Variants in PAG1 observed in about 807,000 individuals in gnomAD.
PAG1 encodes the protein phosphoprotein associated with glycosphingolipid-enriched microdomains 1.
PAG1 carries 23 observed loss-of-function variants against 31.7 expected under a neutral mutation model. That is an observed-to-expected ratio of 0.73 (90% CI 0.52 to 1.03). PAG1 has a LOEUF of 1.03. Ranked by LOEUF, PAG1 falls within the 50% of genes least tolerant of loss-of-function variation. PAG1 has a pLI of 0.00. For synonymous variants in PAG1, 214 were observed against 210.3 expected (o/e 1.02, Z -0.15); for missense variants, 473 against 540.7 (o/e 0.87, Z 1.24).
chr8:81,053,705 G>A (rs1487125261), intron 2 of PAG1, among the ~76,000 whole-genome samples: 3 of 152,206 alleles, frequency 2.0e-5, no homozygotes, highest in African/African-American at 7.2e-5. Context: ...CATTAACTGG[G>A]ATAGGAAAGT....
intron 3 of PAG1, among the ~76,000 whole-genome samples, chr8:81,014,332 T>C (rs760308888): frequency 3.9e-5 from 6 of 152,228 alleles, no homozygotes; most frequent in Non-Finnish European, 5.9e-5. Flanking sequence ...TAGCACTATG[T>C]TAGGTACTTC....
Position 80,984,938 on chromosome 8 carries a change from T to C in PAG1, c.714A>G (p.Gln238=). The change falls in exon 7 of 9, where the codon CAA becomes CAG. Residue 238 remains glutamine, a synonymous_variant. Coordinates refer to ENST00000220597, the MANE Select transcript of PAG1 (RefSeq NM_018440.4). ...ASVDRNKKCR[Q]SVNVESILGN... ...CAAGGATACTCTCTACATTAACACT[T>C]TGACGACATTTTTTGTTTCTGTCCA... is the stretch of plus-strand genomic sequence containing the variant. 1 of 1,614,216 alleles carries C rather than the reference T, an allele frequency of 6.2e-7. No individual in the cohort carries two copies. Among genetic ancestry groups the C allele is most frequent in the South Asian group, 1.1e-5 (1 of 91,084 alleles).
At chr8:81,004,106 C>T (rs1484217322) in intron 3 of PAG1, among the ~76,000 whole-genome samples, 3 of 152,172 alleles carry the variant, frequency 2.0e-5, no homozygotes, top group Non-Finnish European at 4.4e-5. Context: ...TTTAGAGTAG[C>T]CTTTCAACAA....
chr8:81,019,727 G>A (rs1030316372), intron 3 of PAG1, among the ~76,000 whole-genome samples: 8 of 152,242 alleles, frequency 5.3e-5, no homozygotes, highest in Admixed American at 1.3e-4. Context: ...CTAGAGCAGT[G>A]TGGAAAGAAA....
rs1243912124 is a variant in PAG1, at chr8:80,971,222, A to C, written c.*5322T>G. 1 of 152,236 alleles carries C rather than the reference A, an allele frequency of 6.6e-6. No individual in the cohort carries two copies. Among genetic ancestry groups the C allele is most frequent in the Admixed American group, 6.5e-5 (1 of 15,284 alleles). The allele number at this position is 152,236 out of a possible 1,614,324, so 9.4% of individuals were successfully genotyped here. ...ATTATGAAGATCTTTTGAAACAATC[A>C]ATGAAAATGCTACTAAGTGTCATGA... On this transcript the variant is annotated 3_prime_UTR_variant, in exon 9 of 9. Transcript: ENST00000220597.
intron 1 of PAG1, among the ~76,000 whole-genome samples, chr8:81,101,422 TAGCAAAACAA>T (rs1809608224): frequency 6.6e-6 from 1 of 152,202 alleles, no homozygotes. Context: ...ATTTCTTATT[TAGCAAAACAA>T]AGGAGTGGAC....
intron 1 of PAG1, among the ~76,000 whole-genome samples, chr8:81,076,356 C>T (rs4524745): frequency 0.014 from 2,103 of 152,292 alleles, 49 homozygotes; most frequent in African/African-American, 0.047. Flanking sequence ...TCCTTTGCTT[C>T]CCAAGGATGA....
chr8:81,029,415 T>G (rs1163892993), intron 3 of PAG1, among the ~76,000 whole-genome samples: 1 of 151,834 alleles, frequency 6.6e-6, no homozygotes, highest in African/African-American at 2.4e-5. Flanking sequence ...GCATTAAAGA[T>G]ATGATTTCCA....
intron 3 of PAG1, among the ~76,000 whole-genome samples, chr8:81,019,599 CA>C: frequency 6.6e-6 from 1 of 152,178 alleles, no homozygotes; most frequent in East Asian, 1.9e-4. Flanking sequence ...TATGGGTGTA[CA>C]AAAGTCAAGA....
chr8:81,034,973 C>T (rs1337729279), intron 2 of PAG1, among the ~76,000 whole-genome samples: 1 of 152,048 alleles, frequency 6.6e-6, no homozygotes, highest in African/African-American at 2.4e-5. Context: ...AGCCCAACAA[C>T]CAAGCACAAC....
intron 1 of PAG1, among the ~76,000 whole-genome samples, chr8:81,107,851 ACCT>A (rs1809717488): frequency 6.6e-6 from 1 of 152,128 alleles, no homozygotes; most frequent in South Asian, 2.1e-4. Context: ...AACTTGTATA[ACCT>A]CCCAATGTGC....
chr8:80,998,071 C>T (rs912174404), intron 3 of PAG1, among the ~76,000 whole-genome samples: 7 of 151,438 alleles, frequency 4.6e-5, no homozygotes, highest in African/African-American at 1.7e-4. Context: ...TGTTTTAATG[C>T]ATAAGTGATT....
intron 2 of PAG1, among the ~76,000 whole-genome samples, chr8:81,053,074 G>A (rs531296384): frequency 3.3e-5 from 5 of 152,146 alleles, no homozygotes; most frequent in Non-Finnish European, 5.9e-5. Context: ...AAAAGAGAAT[G>A]CAGAGTTAAT....
intron 1 of PAG1, among the ~76,000 whole-genome samples, chr8:81,077,625 GT>G (rs926622811): frequency 1.3e-4 from 20 of 151,540 alleles, no homozygotes; most frequent in Admixed American, 2.6e-4. Context: ...CCACAACTAA[GT>G]TTTTTTTTCG....
intron 3 of PAG1, among the ~76,000 whole-genome samples, chr8:81,016,122 C>T (rs1808068199): frequency 6.6e-6 from 1 of 152,212 alleles, no homozygotes; most frequent in African/African-American, 2.4e-5. Context: ...TGACCAAAGA[C>T]ACAGGCATGA....
In PAG1 at chr8:81,015,924, G is replaced by A. The variant is rs1403860530; in HGVS notation, c.-81+14072C>T. ...TGGAGCTCATTGGAAGCAATGGTGT[G>A]TCAATGTTGAACCCAGCCCACATGC... On this transcript the variant is annotated intron_variant, in intron 3 of 8. Transcript: ENST00000220597. Among the ~76,000 whole-genome samples the A allele has an allele frequency of 4.6e-5, 7 of 152,304 alleles. No homozygotes were observed. In the East Asian group the frequency reaches 1.2e-3, roughly 25 times the overall value.
At position 80,973,538 on chromosome 8, in the gene PAG1, C is replaced by A. The variant is rs531105200; in HGVS notation, c.*3006G>T. The A allele has an allele frequency of 6.6e-6, 1 of 152,064 alleles. No homozygotes were observed. The highest frequency in any genetic ancestry group is 1.5e-5 in the Non-Finnish European group (1 of 68,004). The allele number at this position is 152,064 out of a possible 1,614,324, so 9.4% of individuals were successfully genotyped here. On this transcript the variant is annotated 3_prime_UTR_variant, in exon 9 of 9. Transcript: ENST00000220597. ...GAGATAGATTTATAATTCTTACTTACAAGATAAAAAAATTTCCTAAAATTT... is the reference window on the plus strand; with the variant it reads ...GAGATAGATTTATAATTCTTACTTAAAAGATAAAAAAATTTCCTAAAATTT...
intron 1 of PAG1, among the ~76,000 whole-genome samples, chr8:81,092,173 C>T (rs374822699): frequency 5.5e-5 from 4 of 72,350 alleles, no homozygotes; most frequent in South Asian, 4.8e-4. Flanking sequence ...AGCAACATGG[C>T]AAAACCACAT....
Position 80,969,547 on chromosome 8 carries a change from G to A in PAG1, c.*6997C>T, listed in dbSNP as rs971703060. On this transcript the variant is annotated 3_prime_UTR_variant, in exon 9 of 9. Coordinates refer to ENST00000220597, the MANE Select transcript of PAG1 (RefSeq NM_018440.4). ...GTTAAAAACAAACCAAACCAAACCA[G>A]GACATGACAACAAGATAGTTCTGAA... 1.3e-5 allele frequency: 2 copies of A among 152,172 alleles called. No individual in the cohort carries two copies. Among genetic ancestry groups the A allele is most frequent in the Non-Finnish European group, 1.5e-5 (1 of 68,028 alleles). The allele number at this position is 152,172 out of a possible 1,614,324, so 9.4% of individuals were successfully genotyped here.
Sources: gnomAD v4.1 joint callset for allele counts (sites outside exome capture counted in the v4.1 genomes callset) on GRCh38, gnomAD v4.1.1 for gene constraint, MANE v1.5 for transcripts, NCBI Gene and HGNC (gene_info 2026-07-23, HGNC 2026-07-21) for gene names.